The following PLPP4 variants were observed in gnomAD, a reference collection of about 807,000 sequenced individuals.
PLPP4 encodes phospholipid phosphatase 4.
PLPP4 carries 20 observed loss-of-function variants against 32.2 expected under a neutral mutation model. The ratio of observed to expected loss-of-function variants is 0.62; its 90% CI spans 0.44 to 0.90. The LOEUF (loss-of-function observed/expected upper bound fraction) is 0.90, where lower values mean the gene tolerates loss of function less well. PLPP4 is among the 40% of genes least tolerant of loss of function. PLPP4 has a pLI of 0.00. For missense variants in PLPP4, 257 were observed against 353.1 expected, an observed-to-expected ratio of 0.73 and a Z score of 2.18; for synonymous variants, 127 against 133.0, an observed-to-expected ratio of 0.95 and a Z score of 0.31.
At chr10:120,554,505 C>G (rs1056712119) in intron 5 of PLPP4, among the ~76,000 whole-genome samples, 2 of 152,196 alleles carry the variant, frequency 1.3e-5, no homozygotes, top group Non-Finnish European at 2.9e-5. Context: ...AAGACACTTC[C>G]ACATTTTCAG....
chr10:120,549,588 C>T (rs1847794506), intron 5 of PLPP4, among the ~76,000 whole-genome samples: 1 of 151,858 alleles, frequency 6.6e-6, no homozygotes, highest in Non-Finnish European at 1.5e-5. Flanking sequence ...AAACTATAGG[C>T]CAATATTCCT....
chr10:120,543,867 C>T (rs1023257193), intron 5 of PLPP4, among the ~76,000 whole-genome samples: 2 of 152,196 alleles, frequency 1.3e-5, no homozygotes, highest in Non-Finnish European at 2.9e-5. Context: ...ATACCGTATT[C>T]GTCTTGTTGT....
At chr10:120,587,936 G>A (rs547522573) in intron 6 of PLPP4, among the ~76,000 whole-genome samples, 7 of 152,298 alleles carry the variant, frequency 4.6e-5, no homozygotes, top group East Asian at 1.9e-4. Flanking sequence ...CCTTCAGCCC[G>A]TGGGGCCTGC....
chr10:120,574,974 T>C (rs1369168961), intron 5 of PLPP4, among the ~76,000 whole-genome samples, 157 bp from the exon 6 acceptor site: 1 of 152,222 alleles, frequency 6.6e-6, no homozygotes, highest in Non-Finnish European at 1.5e-5. Flanking sequence ...CATAGCAGCA[T>C]GGTGCTAGCA....
In PLPP4 at chr10:120,513,965, C is replaced by A; in HGVS notation, c.220C>A (p.Arg74=). The change falls in exon 3 of 7, where the codon CGA becomes AGA. Residue 74 remains arginine (R), a synonymous_variant. Coordinates refer to ENST00000398250, the MANE Select transcript of PLPP4 (RefSeq NM_001030059.3). ...AVICVVKIIR[R]TDKTEIKEAF... ...TATTTGTGTGGTGAAAATTATCCGG[C>A]GAACAGACAAGACTGAAATTAAGGA... 1 of 1,613,892 alleles carries A rather than the reference C, an allele frequency of 6.2e-7. No individual in the cohort carries two copies. Among genetic ancestry groups the A allele is most frequent in the Non-Finnish European group, 8.5e-7 (1 of 1,179,900 alleles).
chr10:120,491,149 C>T (rs771808816), intron 1 of PLPP4, among the ~76,000 whole-genome samples: 5 of 152,086 alleles, frequency 3.3e-5, no homozygotes, highest in Non-Finnish European at 5.9e-5. Context: ...GGTGAGGGGA[C>T]CTGGCTTGTG....
intron 5 of PLPP4, among the ~76,000 whole-genome samples, chr10:120,532,634 C>A (rs1846795206): frequency 6.6e-6 from 1 of 152,114 alleles, no homozygotes. Flanking sequence ...CCTCTCCCCA[C>A]CCTTCTCTAT....
intron 5 of PLPP4, among the ~76,000 whole-genome samples, chr10:120,560,468 T>C (rs191950223): frequency 2.6e-5 from 4 of 152,296 alleles, no homozygotes; most frequent in Admixed American, 2.6e-4. Context: ...TTAAAAATAA[T>C]GGCAGACTGG....
intron 1 of PLPP4, among the ~76,000 whole-genome samples, chr10:120,497,004 G>C (rs778367395): frequency 9.9e-5 from 15 of 151,904 alleles, no homozygotes; most frequent in Non-Finnish European, 1.8e-4. Context: ...GCCCCATCTA[G>C]CCCTAGTCTG....
intron 3 of PLPP4, among the ~76,000 whole-genome samples, chr10:120,517,971 CA>C (rs1845999739): frequency 6.6e-6 from 1 of 152,214 alleles, no homozygotes; most frequent in Non-Finnish European, 1.5e-5. Flanking sequence ...TTCAACAAAG[CA>C]GTGGATGGGG....
intron 4 of PLPP4, 97 bp from the exon 5 acceptor site, chr10:120,520,874 G>A: frequency 6.8e-7 from 1 of 1,468,868 alleles, no homozygotes; most frequent in Non-Finnish European, 9.4e-7. Flanking sequence ...GGGGGCTGAG[G>A]AAAGAGCTGG....
intron 5 of PLPP4, among the ~76,000 whole-genome samples, chr10:120,566,829 A>G (rs1353208664): frequency 6.6e-6 from 1 of 152,220 alleles, no homozygotes; most frequent in Non-Finnish European, 1.5e-5. Context: ...TGCTGGGATT[A>G]CAGGCGTGAG....
intron 1 of PLPP4, among the ~76,000 whole-genome samples, chr10:120,485,415 T>G (rs1844402176): frequency 6.6e-6 from 1 of 152,198 alleles, no homozygotes; most frequent in Non-Finnish European, 1.5e-5. Context: ...CAAACCCTAG[T>G]CTTGATGTGG....
chr10:120,521,457 C>T (rs1348439446), intron 5 of PLPP4, among the ~76,000 whole-genome samples: 1 of 152,058 alleles, frequency 6.6e-6, no homozygotes, highest in African/African-American at 2.4e-5. Context: ...TCAGGTGTTG[C>T]GTGTGTGTGT....
chr10:120,506,801 T>C (rs1003611982), intron 2 of PLPP4, among the ~76,000 whole-genome samples: 3 of 152,204 alleles, frequency 2.0e-5, no homozygotes, highest in African/African-American at 7.2e-5. Flanking sequence ...TGTGGCACCA[T>C]TAGCTCAGGT....
At chr10:120,511,369 G>A (rs550429481) in intron 2 of PLPP4, among the ~76,000 whole-genome samples, 1 of 152,282 alleles carries the variant, frequency 6.6e-6, no homozygotes, top group South Asian at 2.1e-4. Flanking sequence ...ATTTCCTTTG[G>A]AAGCCTCATT....
At chr10:120,531,759 A>G (rs1226469696) in intron 5 of PLPP4, among the ~76,000 whole-genome samples, 1 of 151,884 alleles carries the variant, frequency 6.6e-6, no homozygotes, top group Non-Finnish European at 1.5e-5. Flanking sequence ...CTACTTCTGT[A>G]CTCTGCATAC....
chr10:120,500,325 G>A (rs1845182700), intron 1 of PLPP4, among the ~76,000 whole-genome samples: 1 of 152,168 alleles, frequency 6.6e-6, no homozygotes, highest in Non-Finnish European at 1.5e-5. Context: ...TCAAGGTTCT[G>A]GGGTCTCACA....
chr10:120,482,676 G>A (rs572336080), intron 1 of PLPP4, among the ~76,000 whole-genome samples: 11 of 152,042 alleles, frequency 7.2e-5, no homozygotes, highest in Admixed American at 2.6e-4. Flanking sequence ...AGGCTGAGGC[G>A]GGCAGATCAC....
Sources: gnomAD v4.1 joint callset for allele counts (sites outside exome capture counted in the v4.1 genomes callset) on GRCh38, gnomAD v4.1.1 for gene constraint, MANE v1.5 for transcripts, NCBI Gene and HGNC (gene_info 2026-07-23, HGNC 2026-07-21) for gene names.